PTPRK: variants seen among roughly 807,000 people sequenced by gnomAD.
PTPRK encodes the protein receptor-type tyrosine-protein phosphatase kappa.
PTPRK carries 75 observed loss-of-function variants against 178.0 expected under a neutral mutation model. The ratio of observed to expected loss-of-function variants is 0.42; its 90% CI spans 0.35 to 0.51. The LOEUF is 0.51. Ranked by LOEUF, PTPRK falls within the 20% of genes least tolerant of loss-of-function variation. The pLI is 0.02. For synonymous variants in PTPRK, 637 were observed against 620.6 expected (o/e 1.03, Z -0.39); for missense variants, 1,441 against 1,797.8 (o/e 0.80, Z 3.59).
intron 6 of PTPRK, among the ~76,000 whole-genome samples, chr6:128,203,788 T>C (rs1366790804): frequency 6.6e-6 from 1 of 152,052 alleles, no homozygotes; most frequent in Non-Finnish European, 1.5e-5. Context: ...CACAAACAAA[T>C]GGGAAACATT....
intron 5 of PTPRK, among the ~76,000 whole-genome samples, chr6:128,227,602 T>C (rs1419673021): frequency 3.3e-5 from 5 of 152,158 alleles, no homozygotes; most frequent in East Asian, 3.9e-4. Flanking sequence ...TAAAAATGAA[T>C]AACTTAAAAG....
intron 1 of PTPRK, among the ~76,000 whole-genome samples, chr6:128,442,075 G>A (rs1846355189): frequency 6.6e-6 from 1 of 152,188 alleles, no homozygotes; most frequent in African/African-American, 2.4e-5. Flanking sequence ...GACAAGTAAA[G>A]ATGAATACTG....
chr6:127,980,590 G>A (rs1427739983), intron 25 of PTPRK, among the ~76,000 whole-genome samples: 1 of 152,094 alleles, frequency 6.6e-6, no homozygotes, highest in Non-Finnish European at 1.5e-5. Flanking sequence ...TTAGAATGGG[G>A]CAAGATTGTT....
chr6:128,150,558 T>TA (rs1047334214), intron 7 of PTPRK, among the ~76,000 whole-genome samples: 1 of 152,140 alleles, frequency 6.6e-6, no homozygotes, highest in African/African-American at 2.4e-5. Flanking sequence ...TTCCAAATGT[T>TA]ACGCCTTCTG....
rs187133351 is a variant in PTPRK at position 128,394,129 on chromosome 6, C to T, written c.223+3437G>A. 1.1e-3 allele frequency among the ~76,000 whole-genome samples: 168 copies of T among 152,290 alleles called. 1 individual carries two copies. Among genetic ancestry groups the T allele is most frequent in the African/African-American group, 3.7e-3 (155 of 41,556 alleles). Reference sequence around the variant, plus strand: ...TATATAAATGTATATAATACATACTCTCTTGCATCTGGTTTCTCTCCCTTA... The same window carrying T: ...TATATAAATGTATATAATACATACTTTCTTGCATCTGGTTTCTCTCCCTTA... On this transcript the variant is annotated intron_variant, in intron 2 of 29. Transcript: ENST00000368226.
chr6:128,331,483 A>T (rs889237393), intron 2 of PTPRK, among the ~76,000 whole-genome samples: 1 of 151,854 alleles, frequency 6.6e-6, no homozygotes, highest in East Asian at 1.9e-4. Context: ...GTCAAAGAGA[A>T]AAAAAAAGAG....
chr6:128,139,756 G>A (rs964718732), intron 7 of PTPRK, among the ~76,000 whole-genome samples: 7 of 151,952 alleles, frequency 4.6e-5, no homozygotes, highest in African/African-American at 1.7e-4. Context: ...AGTAAATCAC[G>A]CAGTACTGAA....
chr6:128,471,194 T>C (rs1850604254), intron 1 of PTPRK, among the ~76,000 whole-genome samples: 1 of 152,206 alleles, frequency 6.6e-6, no homozygotes, highest in African/African-American at 2.4e-5. Context: ...AGAATACATA[T>C]ATTCAACATT....
intron 1 of PTPRK, among the ~76,000 whole-genome samples, chr6:128,507,903 A>C (rs1856602095): frequency 6.6e-6 from 1 of 152,068 alleles, no homozygotes; most frequent in Non-Finnish European, 1.5e-5. Context: ...CGGATTACTC[A>C]AGTTTTGGGA....
chr6:128,213,327 TA>T (rs1808584468), intron 6 of PTPRK, among the ~76,000 whole-genome samples: 1 of 152,004 alleles, frequency 6.6e-6, no homozygotes, highest in African/African-American at 2.4e-5. Flanking sequence ...GGGAGCAAAG[TA>T]AAATTTTTAA....
chr6:128,098,038 T>C (rs1479202410), intron 7 of PTPRK, among the ~76,000 whole-genome samples: 1 of 152,150 alleles, frequency 6.6e-6, no homozygotes, highest in African/African-American at 2.4e-5. Context: ...AGAAGATAAA[T>C]TACCTACCTC....
At chr6:128,456,786 A>G (rs2128409605) in intron 1 of PTPRK, among the ~76,000 whole-genome samples, 1 of 152,304 alleles carries the variant, frequency 6.6e-6, no homozygotes, top group East Asian at 1.9e-4. Flanking sequence ...ACCATCACAG[A>G]GAAAGAAAAT....
At chr6:128,051,446 T>C (rs1363483444) in intron 13 of PTPRK, among the ~76,000 whole-genome samples, 1 of 152,220 alleles carries the variant, frequency 6.6e-6, no homozygotes, top group Admixed American at 6.5e-5. Flanking sequence ...TGCTCCCTTT[T>C]CTAAACTCAA....
In PTPRK at chr6:128,476,870, T is replaced by C. The variant is rs6911108; in HGVS notation, c.100+43389A>G. ...GACAAATTTCAACGAGTATGGGTAC[T>C]TTCTAAACTGCTTTTCTAAAAAAAA... On this transcript the variant is annotated intron_variant, in intron 1 of 29. Transcript: ENST00000368226. 1.0e-2 allele frequency among the ~76,000 whole-genome samples: 1,494 copies of C among 149,768 alleles called. 24 individuals are homozygous for C. Among genetic ancestry groups the C allele is most frequent in the African/African-American group, 0.033 (1,357 of 40,662 alleles).
rs773737633 is a variant in PTPRK, at chr6:128,519,128, C to T, written c.100+1131G>A. 1 of 524,464 alleles carries T rather than the reference C, an allele frequency of 1.9e-6. No individual in the cohort carries two copies. The highest frequency in any genetic ancestry group is 1.4e-5 in the South Asian group (1 of 69,562). The allele number at this position is 524,464 out of a possible 1,614,324, so 32.5% of individuals were successfully genotyped here. ...CGAACCCCAGCAGCAGATGCGCTCGCCAGCCAAGCGAAGCTGGGTAGGTTG... is the reference window on the plus strand; with the variant it reads ...CGAACCCCAGCAGCAGATGCGCTCGTCAGCCAAGCGAAGCTGGGTAGGTTG... On this transcript the variant is annotated intron_variant, in intron 1 of 29. Transcript: ENST00000368226. The surrounding 1 kb of genome is among the most constrained non-coding windows in gnomAD (Gnocchi z 4.3).
At position 128,114,433 on chromosome 6, in the gene PTPRK, C is replaced by T. The variant is rs149333833; in HGVS notation, c.1163-24441G>A. The stretch of plus-strand genomic sequence containing the variant: ...AGGAGTTCAAAACCAGCCTAGCCAA[C>T]ATGGTGAAATCCTGTATCTAGTAAA... On this transcript the variant is annotated intron_variant, in intron 7 of 29. Transcript: ENST00000368226. Among the ~76,000 whole-genome samples the T allele has an allele frequency of 3.9e-3, 587 of 151,900 alleles. 5 individuals carry two copies. The highest frequency in any genetic ancestry group is 0.013 in the African/African-American group (542 of 41,460).
At position 128,131,886 on chromosome 6, in the gene PTPRK, G is replaced by A. The variant is rs537227550; in HGVS notation, c.1163-41894C>T. ...AATGAGTCATCACTTTTTTGTTATT[G>A]TTCTTGGCTCTGATCTCTTTAAGAA... is the stretch of plus-strand genomic sequence containing the variant. On this transcript the variant is annotated intron_variant, in intron 7 of 29. Coordinates refer to ENST00000368226, the MANE Select transcript of PTPRK (RefSeq NM_002844.4). 2.0e-5 allele frequency among the ~76,000 whole-genome samples: 3 copies of A among 152,090 alleles called. No homozygotes were observed. In the East Asian group the frequency reaches 5.8e-4, roughly 29 times the overall value.
chr6:128,015,845 T>C (rs1779533773), intron 13 of PTPRK, among the ~76,000 whole-genome samples: 1 of 151,810 alleles, frequency 6.6e-6, no homozygotes. Context: ...ACCAAACTAT[T>C]ACCAATTTAC....
At chr6:128,480,107 G>A (rs765790682) in intron 1 of PTPRK, among the ~76,000 whole-genome samples, 1 of 152,016 alleles carries the variant, frequency 6.6e-6, no homozygotes, top group South Asian at 2.1e-4. Context: ...CACACCTTAG[G>A]CCAATGTTCT....
Sources: gnomAD v4.1 joint callset for allele counts (sites outside exome capture counted in the v4.1 genomes callset) on GRCh38, gnomAD v4.1.1 for gene constraint, Gnocchi (gnomAD v3.1) non-coding constraint, MANE v1.5 for transcripts, NCBI Gene and HGNC (gene_info 2026-07-23, HGNC 2026-07-21) for gene names.